Variants in CCDC192 observed in about 807,000 individuals in gnomAD.
CCDC192 encodes the protein coiled-coil domain-containing protein 192.
Position 127,896,285 on chromosome 5 carries a change from A to T in CCDC192, c.535+20624A>T, listed in dbSNP as rs544036544. Among the ~76,000 whole-genome samples, 4 of 152,218 alleles carry T rather than the reference A, an allele frequency of 2.6e-5. No homozygotes were observed. The East Asian group carries it at 5.8e-4, about 22-fold the overall frequency. On this transcript the variant is annotated intron_variant, in intron 6 of 6. Coordinates refer to ENST00000514853, the MANE Select transcript of CCDC192 (RefSeq NM_001317938.2). ...GAGACCCCCGTCCCTACAAATAATA[A>T]TAATAATAATTTTAAACAATTAAAA...
At chr5:127,915,375 T>C (rs570100087) in intron 6 of CCDC192, among the ~76,000 whole-genome samples, 13 of 152,266 alleles carry the variant, frequency 8.5e-5, no homozygotes, top group Admixed American at 7.2e-4. Flanking sequence ...CCAACAAAAC[T>C]TCATAAACTT....
intron 3 of CCDC192, among the ~76,000 whole-genome samples, chr5:127,773,250 A>G (rs1755666230): frequency 6.6e-6 from 1 of 152,192 alleles, no homozygotes; most frequent in Non-Finnish European, 1.5e-5. Context: ...TAAACCTAAG[A>G]AAATCATTTA....
At chr5:127,734,888 T>C (rs1752878522) in intron 2 of CCDC192, among the ~76,000 whole-genome samples, 1 of 151,688 alleles carries the variant, frequency 6.6e-6, no homozygotes, top group Admixed American at 6.6e-5. Flanking sequence ...GCCTGTTCAC[T>C]CTGATGGTAG....
intron 6 of CCDC192, among the ~76,000 whole-genome samples, chr5:127,891,479 T>C (rs1752730165): frequency 6.8e-6 from 1 of 146,584 alleles, no homozygotes; most frequent in Non-Finnish European, 1.5e-5. Flanking sequence ...GATTGCTTTT[T>C]GTTAGAGTGG....
intron 2 of CCDC192, chr5:127,740,434 G>A (rs1432657137): frequency 1.3e-5 from 2 of 152,164 alleles, no homozygotes; most frequent in Non-Finnish European, 2.9e-5. Context: ...TTCTCCTTCA[G>A]ATCTTGGTAA....
chr5:127,769,413 A>G (rs1404242519), intron 3 of CCDC192, among the ~76,000 whole-genome samples: 14 of 146,302 alleles, frequency 9.6e-5, no homozygotes, highest in Admixed American at 2.7e-4. Flanking sequence ...TTTTGTGTGT[A>G]TGTGTGTGTG....
At chr5:127,809,242 T>C (rs539357490) in intron 5 of CCDC192, among the ~76,000 whole-genome samples, 1 of 152,284 alleles carries the variant, frequency 6.6e-6, no homozygotes, top group South Asian at 2.1e-4. Flanking sequence ...GAAATAGTTG[T>C]ATTTTTAAAA....
chr5:127,876,188 A>T (rs2127135777), intron 6 of CCDC192, among the ~76,000 whole-genome samples: 1 of 151,722 alleles, frequency 6.6e-6, no homozygotes, highest in Admixed American at 6.6e-5. Context: ...CTGACTTTTT[A>T]AAAAAAGACT....
In CCDC192 at chr5:127,717,424, G is replaced by C. The variant is rs556802305; in HGVS notation, c.114+9664G>C. 7.2e-5 allele frequency among the ~76,000 whole-genome samples: 11 copies of C among 151,816 alleles called. No homozygotes were observed. In the East Asian group the frequency reaches 1.9e-3, roughly 27 times the overall value. On this transcript the variant is annotated intron_variant, in intron 2 of 6. Transcript: ENST00000514853. ...AATAGTGTAGCCTAAATTCTCTGCA[G>C]AAAAAAGCTTCTGAAGATTTTGGCT... is the stretch of plus-strand genomic sequence containing the variant.
intron 6 of CCDC192, among the ~76,000 whole-genome samples, chr5:127,903,100 G>A (rs543552990): frequency 6.6e-6 from 1 of 152,138 alleles, no homozygotes; most frequent in South Asian, 2.1e-4. Context: ...TCAACTTTCC[G>A]GCATGCTCTT....
intron 3 of CCDC192, among the ~76,000 whole-genome samples, chr5:127,776,552 G>A (rs1387006283): frequency 6.6e-6 from 1 of 152,180 alleles, no homozygotes; most frequent in Admixed American, 6.5e-5. Context: ...GTAGAAATTT[G>A]CATAAGTAAT....
chr5:127,840,496 T>C (rs544728874), intron 5 of CCDC192, among the ~76,000 whole-genome samples: 1 of 152,180 alleles, frequency 6.6e-6, no homozygotes, highest in Admixed American at 6.5e-5. Context: ...GACATACATA[T>C]AGGAAAACAT....
At chr5:127,834,032 CA>C (rs1387365609) in intron 5 of CCDC192, among the ~76,000 whole-genome samples, 1 of 152,050 alleles carries the variant, frequency 6.6e-6, no homozygotes, top group African/African-American at 2.4e-5. Flanking sequence ...AATTGAGCTA[CA>C]AAAAAGCCTC....
chr5:127,865,886 AG>A (rs1290559750), intron 5 of CCDC192, among the ~76,000 whole-genome samples: 2 of 152,042 alleles, frequency 1.3e-5, no homozygotes, highest in African/African-American at 4.8e-5. Flanking sequence ...TTGTGCCTAT[AG>A]TACCCTGAGG....
At chr5:127,856,890 C>T (rs1373687897) in intron 5 of CCDC192, among the ~76,000 whole-genome samples, 1 of 152,102 alleles carries the variant, frequency 6.6e-6, no homozygotes, top group African/African-American at 2.4e-5. Context: ...TCACTGATCA[C>T]AGATCACCCT....
At position 127,757,171 on chromosome 5, in the gene CCDC192, G is replaced by A. The variant is rs142168526; in HGVS notation, c.222+2796G>A. On this transcript the variant is annotated intron_variant, in intron 3 of 6. Coordinates refer to ENST00000514853, the MANE Select transcript of CCDC192 (RefSeq NM_001317938.2). ...GAGAATAGAAAAATTGGAAGACATG[G>A]AGAATGAAAATAGGTGTTTATATGA... 1.9e-3 allele frequency among the ~76,000 whole-genome samples: 283 copies of A among 152,264 alleles called. 1 individual carries two copies. Among genetic ancestry groups the A allele is most frequent in the African/African-American group, 6.5e-3 (271 of 41,538 alleles).
chr5:127,729,807 G>A (rs189369255), intron 2 of CCDC192, among the ~76,000 whole-genome samples: 13 of 152,230 alleles, frequency 8.5e-5, no homozygotes, highest in Non-Finnish European at 1.5e-4. Flanking sequence ...AAAACAAGAA[G>A]TTCTTTGAAA....
rs144629897 is a variant in CCDC192 at position 127,906,961 on chromosome 5, C to T, written c.535+31300C>T. Among the ~76,000 whole-genome samples, 828 of 152,202 alleles carry T rather than the reference C, an allele frequency of 5.4e-3. 10 individuals carry two copies. Among genetic ancestry groups the T allele is most frequent in the African/African-American group, 0.019 (793 of 41,534 alleles). ...ATTTTACATTCTTATCAGCAGTGCA[C>T]CAGGATTCAAATTTTCTCTACATGT... is the stretch of plus-strand genomic sequence containing the variant. On this transcript the variant is annotated intron_variant, in intron 6 of 6. Coordinates refer to ENST00000514853, the MANE Select transcript of CCDC192 (RefSeq NM_001317938.2).
At chr5:127,708,703 A>G (rs1248388808) in intron 2 of CCDC192, among the ~76,000 whole-genome samples, 1 of 152,202 alleles carries the variant, frequency 6.6e-6, no homozygotes, top group African/African-American at 2.4e-5. Flanking sequence ...GGACTTAACT[A>G]GTGCACTTCA....
Sources: allele counts gnomAD v4.1 joint callset (sites outside exome capture counted in the v4.1 genomes callset), GRCh38; gene constraint gnomAD v4.1.1; transcripts MANE v1.5; gene names NCBI Gene and HGNC (gene_info 2026-07-23, HGNC 2026-07-21).